The following NBEA variants were observed in gnomAD, a reference collection of about 807,000 sequenced individuals.
NBEA encodes lysosomal-trafficking regulator 2.
In NBEA, 44 loss-of-function variants were observed where a neutral mutation model predicts 343.4. The ratio of observed to expected loss-of-function variants is 0.13; its 90% CI spans 0.10 to 0.16. The LOEUF (loss-of-function observed/expected upper bound fraction) is 0.16. Among genes scored for constraint, NBEA ranks in the 10% least tolerant of loss-of-function variants. The pLI is 1.00. For synonymous variants in NBEA, 1,175 were observed against 1,238.7 expected (o/e 0.95, Z 1.08); for missense variants, 2,555 against 3,631.3 (o/e 0.70, Z 7.62).
At chr13:35,292,345 T>C (rs2035855840) in intron 35 of NBEA, among the ~76,000 whole-genome samples, 1 of 151,988 alleles carries the variant, frequency 6.6e-6, no homozygotes, top group Admixed American at 6.6e-5. Context: ...TTATATCCTA[T>C]TTTCATCCAT....
At chr13:35,034,859 G>A (rs2152552610) in intron 1 of NBEA, among the ~76,000 whole-genome samples, 1 of 151,956 alleles carries the variant, frequency 6.6e-6, no homozygotes, top group South Asian at 2.1e-4. Flanking sequence ...TTGAATTTTT[G>A]TAGTATCAGT....
chr13:35,596,903 A>G (rs2081829522), intron 47 of NBEA, among the ~76,000 whole-genome samples: 1 of 152,076 alleles, frequency 6.6e-6, no homozygotes, highest in Admixed American at 6.6e-5. Context: ...GTCTTTTGAA[A>G]AAAAAAAAGA....
At chr13:35,324,137 T>C (rs1201666449) in intron 36 of NBEA, among the ~76,000 whole-genome samples, 1 of 152,174 alleles carries the variant, frequency 6.6e-6, no homozygotes. Flanking sequence ...TAACAGGGGC[T>C]ACACTAACAG....
At chr13:35,668,331 TG>T (rs762714699) in intron 57 of NBEA, 36 bp from the exon 58 acceptor site, 32 of 1,530,388 alleles carry the variant, frequency 2.1e-5, no homozygotes, top group Middle Eastern at 2.0e-4. Flanking sequence ...TATTTTATTT[TG>T]TTTTTTTTTG....
rs1280726638 is a variant in NBEA, at chr13:35,651,791, T to A, written c.7964-14T>A. Reference sequence around the variant, plus strand: ...AATTTTATGTTAGTTTTTCTCTCTTTTTTTAATCTTTAGGCCTCAGAGGAG... The same window carrying A: ...AATTTTATGTTAGTTTTTCTCTCTTATTTTAATCTTTAGGCCTCAGAGGAG... On this transcript the variant is annotated splice_polypyrimidine_tract_variant and intron_variant, in intron 52 of 58. Coordinates refer to ENST00000379939, the MANE Select transcript of NBEA (RefSeq NM_001385012.1). The A allele has an allele frequency of 3.4e-6, 5 of 1,489,868 alleles. No homozygotes were observed. In the African/African-American group the frequency reaches 6.9e-5, roughly 21 times the overall value. 92.3% of individuals were successfully genotyped at this position (1,489,868 alleles called of 1,614,324 possible).
intron 36 of NBEA, among the ~76,000 whole-genome samples, chr13:35,339,806 A>T (rs966945188): frequency 6.6e-6 from 1 of 152,066 alleles, no homozygotes. Context: ...CTCTATCATG[A>T]GAACAGCAGC....
intron 1 of NBEA, among the ~76,000 whole-genome samples, chr13:35,009,024 C>T (rs958283454): frequency 6.6e-6 from 1 of 152,190 alleles, no homozygotes; most frequent in Non-Finnish European, 1.5e-5. Flanking sequence ...CTTGATCTGC[C>T]TTTGCAGTCC....
At chr13:35,085,002 C>T (rs985804441) in intron 10 of NBEA, among the ~76,000 whole-genome samples, 3 of 152,012 alleles carry the variant, frequency 2.0e-5, no homozygotes, top group Non-Finnish European at 4.4e-5. Context: ...ATGAATTCCT[C>T]GACACATACA....
At chr13:34,990,762 C>T (rs2060723234) in intron 1 of NBEA, among the ~76,000 whole-genome samples, 1 of 152,190 alleles carries the variant, frequency 6.6e-6, no homozygotes, top group South Asian at 2.1e-4. Flanking sequence ...GGTCAGGCTG[C>T]AAATTTTCTT....
intron 49 of NBEA, among the ~76,000 whole-genome samples, chr13:35,636,098 G>A (rs2083678863): frequency 6.6e-6 from 1 of 152,154 alleles, no homozygotes; most frequent in Non-Finnish European, 1.5e-5. Flanking sequence ...GAAATAGCTG[G>A]AAGGGATTTC....
chr13:35,065,498 C>A lies in NBEA; in HGVS notation c.1240-4410C>A, dbSNP rs185833499. On this transcript the variant is annotated intron_variant, in intron 8 of 58. Coordinates refer to ENST00000379939, the MANE Select transcript of NBEA (RefSeq NM_001385012.1). ...CTTTCATATGTAGTTTGCATCTTTT[C>A]ATATTTTAAGAAATTGTTCTTGTAC... Among the ~76,000 whole-genome samples, 109 of 151,894 alleles carry A rather than the reference C, an allele frequency of 7.2e-4. 3 individuals carry two copies. In the East Asian group the frequency reaches 0.018, roughly 25 times the overall value.
In NBEA at chr13:35,375,132, G is replaced by A. The variant is rs567672845; in HGVS notation, c.6179+22809G>A. Among the ~76,000 whole-genome samples the A allele has an allele frequency of 1.1e-3, 166 of 152,144 alleles. 1 individual carries two copies. The highest frequency in any genetic ancestry group is 3.9e-3 in the African/African-American group (160 of 41,520). ...ATCTCTCAGTATTTAATTATAATTA[G>A]TCACTTTCGCACTGCTTTCCTTCCT... On this transcript the variant is annotated intron_variant, in intron 38 of 58. Transcript: ENST00000379939.
intron 38 of NBEA, among the ~76,000 whole-genome samples, chr13:35,411,232 C>T (rs952909570): frequency 2.6e-5 from 4 of 152,102 alleles, no homozygotes; most frequent in African/African-American, 9.7e-5. Flanking sequence ...CATATGCAGC[C>T]AATATGGGTG....
chr13:35,445,251 TAA>T (rs2045938951), intron 39 of NBEA, among the ~76,000 whole-genome samples: 1 of 152,170 alleles, frequency 6.6e-6, no homozygotes, highest in Non-Finnish European at 1.5e-5. Flanking sequence ...AATAAAGCAT[TAA>T]CTATGTTCTT....
intron 46 of NBEA, 80 bp downstream of exon 46, chr13:35,584,118 T>A: frequency 7.7e-7 from 1 of 1,294,822 alleles, no homozygotes; most frequent in Non-Finnish European, 1.1e-6. Context: ...ATCAAATCAG[T>A]TGTAATTTGA....
intron 33 of NBEA, among the ~76,000 whole-genome samples, chr13:35,218,874 A>G (rs2074212522): frequency 6.6e-6 from 1 of 152,060 alleles, no homozygotes; most frequent in Admixed American, 6.6e-5. Context: ...AAATAGATTT[A>G]TCTCTTGAAA....
intron 36 of NBEA, among the ~76,000 whole-genome samples, chr13:35,324,364 A>G (rs2038393133): frequency 6.6e-6 from 1 of 152,232 alleles, no homozygotes; most frequent in African/African-American, 2.4e-5. Context: ...TAACTGATTT[A>G]TATTCCTCAT....
intron 35 of NBEA, 136 bp from the exon 36 acceptor site, chr13:35,309,392 A>G (rs867636673): frequency 1.3e-5 from 8 of 604,008 alleles, no homozygotes; most frequent in South Asian, 1.0e-4. Flanking sequence ...AATAATATTC[A>G]TTACAAAATC....
At chr13:35,220,474 A>G (rs1411860172) in intron 33 of NBEA, among the ~76,000 whole-genome samples, 1 of 152,128 alleles carries the variant, frequency 6.6e-6, no homozygotes, top group Non-Finnish European at 1.5e-5. Flanking sequence ...GATATTTTGA[A>G]CCAATAGAAT....
Sources: gnomAD v4.1 joint callset for allele counts (sites outside exome capture counted in the v4.1 genomes callset) on GRCh38, gnomAD v4.1.1 for gene constraint, MANE v1.5 for transcripts, NCBI Gene and HGNC (gene_info 2026-07-23, HGNC 2026-07-21) for gene names.